Variants in HPCAL1 observed in about 807,000 individuals in gnomAD.
HPCAL1 encodes the protein hippocalcin like 1.
A neutral mutation model predicts 17.1 loss-of-function variants in HPCAL1; 8 were observed. The ratio of observed to expected loss-of-function variants is 0.47; its 90% CI spans 0.27 to 0.84. HPCAL1 has a LOEUF of 0.84. Ranked by LOEUF, HPCAL1 falls within the 40% of genes least tolerant of loss-of-function variation. The probability of loss-of-function intolerance (pLI) is 0.13; values close to 1 mark genes in which losing one functional copy is unlikely to be tolerated. For missense variants in HPCAL1, 165 were observed against 271.1 expected (o/e 0.61, Z 2.75); for synonymous variants, 112 against 111.4 (o/e 1.01, Z -0.03).
Position 10,304,140 on chromosome 2 carries a change from C to G in HPCAL1, c.-111+963C>G, listed in dbSNP as rs1662459624. The stretch of plus-strand genomic sequence containing the variant: ...TCCTGCAGCACCTCCCGGGCGGCGC[C>G]GCCTCCGCGAGTGCCCGAGAGCGCC... On this transcript the variant is annotated intron_variant, in intron 1 of 4. Transcript: ENST00000307845. The surrounding 1 kb of genome is among the most constrained non-coding windows in gnomAD (Gnocchi z 4.1). Among the ~76,000 whole-genome samples the G allele has an allele frequency of 6.6e-6, 1 of 152,208 alleles. No individual in the cohort carries two copies. Among genetic ancestry groups the G allele is most frequent in the African/African-American group, 2.4e-5 (1 of 41,454 alleles).
rs768837301 is a variant in HPCAL1 at position 10,426,708 on chromosome 2, C to A, written c.485-16C>A. 3.1e-6 allele frequency: 5 copies of A among 1,605,118 alleles called. No individual in the cohort carries two copies. Among genetic ancestry groups the A allele is most frequent in the Non-Finnish European group, 4.3e-6 (5 of 1,172,508 alleles). On this transcript the variant is annotated splice_polypyrimidine_tract_variant and intron_variant, in intron 4 of 4. Coordinates refer to ENST00000307845, the MANE Select transcript of HPCAL1 (RefSeq NM_002149.4). Reference sequence around the variant, plus strand: ...AGTGAGCACTGGCTAATCCCATTGTCTCTGGTCCCCTGCAGGCAAACTGTC... The same window carrying A: ...AGTGAGCACTGGCTAATCCCATTGTATCTGGTCCCCTGCAGGCAAACTGTC...
intron 2 of HPCAL1, among the ~76,000 whole-genome samples, chr2:10,397,646 C>G (rs1198845472): frequency 6.6e-6 from 1 of 152,208 alleles, no homozygotes. Flanking sequence ...GGGGCTTTTT[C>G]CATCCGGAAT....
chr2:10,368,077 T>C (rs1572732082), intron 1 of HPCAL1, among the ~76,000 whole-genome samples: 1 of 147,638 alleles, frequency 6.8e-6, no homozygotes, highest in Admixed American at 6.6e-5. Flanking sequence ...TCCATACACA[T>C]GTGTAGGTGT....
chr2:10,305,156 T>C (rs1379363999), intron 1 of HPCAL1, among the ~76,000 whole-genome samples: 2 of 152,148 alleles, frequency 1.3e-5, no homozygotes, highest in African/African-American at 4.8e-5. Flanking sequence ...ATCAAATGAT[T>C]TTATGTCCTA....
intron 1 of HPCAL1, among the ~76,000 whole-genome samples, chr2:10,356,369 G>A (rs567882794): frequency 2.1e-4 from 32 of 152,290 alleles, no homozygotes; most frequent in African/African-American, 7.5e-4. Context: ...GACTGGGGAG[G>A]TGGTAGTTTT....
intron 1 of HPCAL1, among the ~76,000 whole-genome samples, chr2:10,375,325 A>C (rs540565321): frequency 1.1e-3 from 164 of 152,284 alleles, no homozygotes; most frequent in African/African-American, 3.9e-3. Flanking sequence ...AGAATTCACC[A>C]GGCAGGACAG....
chr2:10,386,666 G>A (rs1432277426), intron 1 of HPCAL1, among the ~76,000 whole-genome samples: 2 of 152,176 alleles, frequency 1.3e-5, no homozygotes, highest in African/African-American at 4.8e-5. Flanking sequence ...AAACCACAAA[G>A]GTCTGCAGGC....
In HPCAL1 at chr2:10,354,194, A is replaced by T. The variant is rs183416768; in HGVS notation, c.-110-42641A>T. ...CTCTTCCTGAAGCCTCAACTCACTC[A>T]TCTTCTTTCTCAACCCCTCAGGCCC... On this transcript the variant is annotated intron_variant, in intron 1 of 4. Coordinates refer to ENST00000307845, the MANE Select transcript of HPCAL1 (RefSeq NM_002149.4). This position sits in a 1 kb window ranked among gnomAD's most constrained non-coding sequence, Gnocchi z 5.1. 7.6e-4 allele frequency: 116 copies of T among 152,212 alleles called. No individual in the cohort carries two copies. The highest frequency in any genetic ancestry group is 2.6e-3 in the African/African-American group (109 of 41,516). The allele number at this position is 152,212 out of a possible 1,614,324, so 9.4% of individuals were successfully genotyped here.
In HPCAL1 at chr2:10,427,453, T is replaced by C. The variant is rs368900628; in HGVS notation, c.*632T>C. On this transcript the variant is annotated 3_prime_UTR_variant, in exon 5 of 5. Coordinates refer to ENST00000307845, the MANE Select transcript of HPCAL1 (RefSeq NM_002149.4). ...GAGCCTGGCTGTTGTGTGGTATTTA[T>C]GCTCTCTTTGTCTGCCTGTTTCTAA... The C allele has an allele frequency of 3.9e-5, 6 of 152,568 alleles. No individual in the cohort carries two copies. Among genetic ancestry groups the C allele is most frequent in the African/African-American group, 1.4e-4 (6 of 41,564 alleles). 9.5% of individuals were successfully genotyped at this position (152,568 alleles called of 1,614,324 possible). A position where few individuals can be genotyped will look rare whatever the true frequency, so the allele number is the denominator to read the frequency against.
intron 3 of HPCAL1, among the ~76,000 whole-genome samples, chr2:10,420,741 T>A (rs1373066861): frequency 1.3e-5 from 2 of 152,112 alleles, no homozygotes; most frequent in African/African-American, 4.8e-5. Flanking sequence ...GAGACTCAAA[T>A]AGATGAATTT....
At chr2:10,314,436 C>T (rs575847943) in intron 1 of HPCAL1, among the ~76,000 whole-genome samples, 21 of 152,222 alleles carry the variant, frequency 1.4e-4, no homozygotes, top group Non-Finnish European at 2.2e-4. Context: ...GACAGGGACT[C>T]GTGGCGTAAG....
At chr2:10,305,785 G>A (rs1662586941) in intron 1 of HPCAL1, among the ~76,000 whole-genome samples, 1 of 152,208 alleles carries the variant, frequency 6.6e-6, no homozygotes. Flanking sequence ...CCACAGGGCT[G>A]TGCAGAATTA....
chr2:10,345,073 C>T (rs1665336760), intron 1 of HPCAL1, among the ~76,000 whole-genome samples: 1 of 151,604 alleles, frequency 6.6e-6, no homozygotes, highest in African/African-American at 2.4e-5. Context: ...CTCTCTGTGC[C>T]TGTCTTGCAG....
intron 1 of HPCAL1, among the ~76,000 whole-genome samples, chr2:10,325,393 C>A (rs1336414844): frequency 6.6e-6 from 1 of 152,240 alleles, no homozygotes. Context: ...ATTTTACAGA[C>A]GAGAACACCG....
chr2:10,366,328 C>T lies in HPCAL1; in HGVS notation c.-110-30507C>T, dbSNP rs190124801. The stretch of plus-strand genomic sequence containing the variant: ...TCGTCTCACTGCAACCTCTGCCTCC[C>T]GGGTTCAAGCGATTCTTGTGCCTCA... On this transcript the variant is annotated intron_variant, in intron 1 of 4. Transcript: ENST00000307845. Among the ~76,000 whole-genome samples, 506 of 152,274 alleles carry T rather than the reference C, an allele frequency of 3.3e-3. 3 individuals are homozygous for T. The highest frequency in any genetic ancestry group is 0.01 in the African/African-American group (427 of 41,558).
rs1662463777 is a variant in HPCAL1, at chr2:10,304,201, C to T, written c.-111+1024C>T. ...CCGGCCCTGCCCCAGCCCCCAGGCT[C>T]CCGCGCAAGCGTGGGGGTCCCTCTC... On this transcript the variant is annotated intron_variant, in intron 1 of 4. Coordinates refer to ENST00000307845, the MANE Select transcript of HPCAL1 (RefSeq NM_002149.4). This position sits in a 1 kb window ranked among gnomAD's most constrained non-coding sequence, Gnocchi z 4.1. 6.6e-6 allele frequency among the ~76,000 whole-genome samples: 1 copy of T among 152,140 alleles called. No homozygotes were observed. The highest frequency in any genetic ancestry group is 6.5e-5 in the Admixed American group (1 of 15,286).
chr2:10,305,861 C>G (rs1474762555), intron 1 of HPCAL1, among the ~76,000 whole-genome samples: 1 of 152,186 alleles, frequency 6.6e-6, no homozygotes, highest in Non-Finnish European at 1.5e-5. Context: ...GCCAGGCGCC[C>G]CATACTCACC....
chr2:10,413,805 C>T (rs927615129), intron 2 of HPCAL1, among the ~76,000 whole-genome samples: 4 of 152,256 alleles, frequency 2.6e-5, no homozygotes, highest in Non-Finnish European at 5.9e-5. Flanking sequence ...TCCCTTCGTT[C>T]TGAGAGGTGA....
At chr2:10,319,649 G>C (rs1167432045) in intron 1 of HPCAL1, among the ~76,000 whole-genome samples, 1 of 151,972 alleles carries the variant, frequency 6.6e-6, no homozygotes, top group Non-Finnish European at 1.5e-5. Flanking sequence ...TTTAAGCAGA[G>C]ACCGGGCCTG....
Sources: allele counts gnomAD v4.1 joint callset (sites outside exome capture counted in the v4.1 genomes callset), GRCh38; gene constraint gnomAD v4.1.1; non-coding constraint Gnocchi (gnomAD v3.1); transcripts MANE v1.5; gene names NCBI Gene and HGNC (gene_info 2026-07-23, HGNC 2026-07-21).